NOL8: variants seen among roughly 807,000 people sequenced by gnomAD.
NOL8 encodes nucleolar protein 8.
A neutral mutation model predicts 116.1 loss-of-function variants in NOL8; 93 were observed. The ratio of observed to expected loss-of-function variants is 0.80; its 90% CI spans 0.68 to 0.95. The LOEUF (loss-of-function observed/expected upper bound fraction) is 0.95. Ranked by LOEUF, NOL8 falls within the 40% of genes least tolerant of loss-of-function variation. The probability of loss-of-function intolerance (pLI) is 0.00; values close to 1 mark genes in which losing one functional copy is unlikely to be tolerated. For missense variants in NOL8, 1,291 were observed against 1,382.8 expected, an observed-to-expected ratio of 0.93 and a Z score of 1.05; for synonymous variants, 419 against 469.0, an observed-to-expected ratio of 0.89 and a Z score of 1.38.
Position 92,316,055 on chromosome 9 carries a change from G to A in NOL8, c.570C>T (p.Ser190=). 6.2e-7 allele frequency: 1 copy of A among 1,613,870 alleles called. No individual in the cohort carries two copies. The highest frequency in any genetic ancestry group is 8.5e-7 in the Non-Finnish European group (1 of 1,179,860). Residue 190 remains serine, a synonymous_variant, in exon 7 of 17, where the codon AGC becomes AGT. Transcript: ENST00000442668. ...TCCCTCCTTCTAATTCCCAAGTCAGGCTGGATATAGGAATGGTGTTTGAGA... is the reference window on the plus strand; with the variant it reads ...TCCCTCCTTCTAATTCCCAAGTCAGACTGGATATAGGAATGGTGTTTGAGA... ...EDFSNTIPIS[S]LTWELEGGND... is the part of the protein sequence containing the mutation.
chr9:92,315,822 G>C lies in NOL8; in HGVS notation c.803C>G (p.Ser268Cys), dbSNP rs1266327715. 2 of 1,613,978 alleles carry C rather than the reference G, an allele frequency of 1.2e-6. No homozygotes were observed. The highest frequency in any genetic ancestry group is 3.3e-5 in the Admixed American group (2 of 60,026). ...CTGAGTATCAGAAACAGGTACAGGA[G>C]ATGATTTAGAAGGAGTAATGGAATC... Reference protein sequence around the residue: ...TCDSITPSKSSPVPVSDTQKL... With the variant: ...TCDSITPSKSCPVPVSDTQKL... Residue 268 changes from serine to cysteine, a missense_variant, in exon 7 of 17, where the codon TCT (serine) becomes TGT (cysteine). Transcript: ENST00000442668.
In NOL8 at chr9:92,314,458, A is replaced by C; in HGVS notation, c.2167T>G (p.Ser723Ala). 6.2e-7 allele frequency: 1 copy of C among 1,612,548 alleles called. No homozygotes were observed. The highest frequency in any genetic ancestry group is 8.5e-7 in the Non-Finnish European group (1 of 1,178,732). ...DSSGLTSLKK[S>A]PKVSSKDTRE... ...GTGTCCTTGGATGAGACCTTTGGTG[A>C]TTTCTTGAGAGATGTGAGGCCGCTT... The change falls in exon 7 of 17, where the codon TCA (serine) becomes GCA (alanine). Residue 723 changes from serine (S) to alanine (A), a missense_variant. By Grantham distance (99) the Ser-to-Ala change is moderately conservative (BLOSUM62 1). Transcript: ENST00000442668.
At chr9:92,310,069 G>C (rs571725730) in intron 10 of NOL8, 102 bp downstream of exon 10, 138 of 763,038 alleles carry the variant, frequency 1.8e-4, no homozygotes, top group Non-Finnish European at 3.1e-5. Flanking sequence ...CCAATGTCTT[G>C]GGATGGAGAG....
At chr9:92,320,280 T>G in intron 4 of NOL8, 1 of 435,454 alleles carries the variant, frequency 2.3e-6, no homozygotes, top group South Asian at 1.6e-5. Flanking sequence ...AGACCCATGC[T>G]TCTCAGGCAT....
chr9:92,313,138 C>G (rs1169980820), intron 7 of NOL8, among the ~76,000 whole-genome samples: 37 of 152,076 alleles, frequency 2.4e-4, no homozygotes, highest in Admixed American at 2.4e-3. Flanking sequence ...CAGAAACTTA[C>G]AATTCCTCTT....
chr9:92,304,685 G>T (rs536606990), intron 12 of NOL8, among the ~76,000 whole-genome samples: 1 of 152,242 alleles, frequency 6.6e-6, no homozygotes, highest in South Asian at 2.1e-4. Context: ...TAGGTTTACA[G>T]AAAGTAACGA....
intron 3 of NOL8, 66 bp downstream of exon 3, chr9:92,323,375 C>G: frequency 5.8e-6 from 9 of 1,541,396 alleles, no homozygotes; most frequent in Non-Finnish European, 7.9e-6. Context: ...GATTTAGAAC[C>G]AGTTATTCCA....
At chr9:92,310,809 G>C (rs1013663218) in intron 8 of NOL8, 134 bp from the exon 9 acceptor site, 3 of 948,634 alleles carry the variant, frequency 3.2e-6, no homozygotes, top group African/African-American at 1.7e-5. Context: ...TGGCAGGTCA[G>C]GTGGAAATTC....
At chr9:92,304,882 A>G (rs1296361195) in intron 12 of NOL8, among the ~76,000 whole-genome samples, 2 of 152,174 alleles carry the variant, frequency 1.3e-5, no homozygotes, top group Non-Finnish European at 2.9e-5. Flanking sequence ...GATTCAATTC[A>G]GGATACCACA....
chr9:92,325,021 G>A (rs1405020352), intron 1 of NOL8: 5 of 152,096 alleles, frequency 3.3e-5, no homozygotes, highest in African/African-American at 1.2e-4. Context: ...TTTTCCAGAG[G>A]TACTAGGGCC....
intron 6 of NOL8, among the ~76,000 whole-genome samples, chr9:92,318,168 C>T (rs1839599171): frequency 6.6e-6 from 1 of 151,920 alleles, no homozygotes; most frequent in African/African-American, 2.4e-5. Context: ...AATTTGCTCA[C>T]ACTCTGCTCC....
rs1413640825 is a variant in NOL8, at chr9:92,306,895, T to G, written c.2816A>C (p.Lys939Thr). ...NSTNRGSVAA[K>T]KFKDIIHYDP... Reference sequence around the variant, plus strand: ...GGAACATAAAACATACTTAAATTTCTTAGCAGCTACTGATCCTCTGTTTGT... The same window carrying G: ...GGAACATAAAACATACTTAAATTTCGTAGCAGCTACTGATCCTCTGTTTGT... The change falls in exon 11 of 17, where the codon AAG becomes ACG. Residue 939 changes from lysine (K) to threonine (T), a missense_variant. By Grantham distance (78) the Lys-to-Thr change is moderately conservative. Coordinates refer to ENST00000442668, the MANE Select transcript of NOL8 (RefSeq NM_017948.6). 4 of 1,612,278 alleles carry G rather than the reference T, an allele frequency of 2.5e-6. No homozygotes were observed. In the Admixed American group the frequency reaches 6.7e-5, roughly 27 times the overall value.
At position 92,310,165 on chromosome 9, in the gene NOL8, A is replaced by G; in HGVS notation, c.2686+6T>C. 6.3e-7 allele frequency: 1 copy of G among 1,594,990 alleles called. No individual in the cohort carries two copies. The highest frequency in any genetic ancestry group is 8.6e-7 in the Non-Finnish European group (1 of 1,168,830). ...ACATCAGGACTCTGGACAATGAAGC[A>G]TTTACCTTCCTGTTCCTCTTCACTG... On this transcript the variant is annotated splice_donor_region_variant and intron_variant, in intron 10 of 16. Coordinates refer to ENST00000442668, the MANE Select transcript of NOL8 (RefSeq NM_017948.6).
rs1399063317 is a variant in NOL8, at chr9:92,315,264, C to T, written c.1361G>A (p.Ser454Asn). The T allele has an allele frequency of 5.0e-6, 8 of 1,613,684 alleles. No homozygotes were observed. The Admixed American group carries it at 6.7e-5, about 13-fold the overall frequency. The change falls in exon 7 of 17, where the codon AGT becomes AAT. Residue 454 changes from serine (S) to asparagine (N), a missense_variant. Transcript: ENST00000442668. ...SLNRKSPSHS[S>N]SSEDADSASE... ...TGCAGAATCAGCATCTTCACTGCTA[C>T]TGGAGTGAGAGGGAGATTTACGATT...
chr9:92,316,719 G>A (rs1270493794), intron 6 of NOL8, among the ~76,000 whole-genome samples: 1 of 152,152 alleles, frequency 6.6e-6, no homozygotes, highest in East Asian at 1.9e-4. Flanking sequence ...ACTTTGGGAG[G>A]CCGAGGTGGG....
At chr9:92,319,385 G>A (rs762323265) in intron 4 of NOL8, 29 bp from the exon 5 acceptor site, 2 of 1,510,066 alleles carry the variant, frequency 1.3e-6, no homozygotes, top group Non-Finnish European at 1.8e-6. Flanking sequence ...ACAAATAAAA[G>A]AGTCAAAATA....
At chr9:92,312,985 GA>G (rs923370409) in intron 7 of NOL8, among the ~76,000 whole-genome samples, 22 of 144,110 alleles carry the variant, frequency 1.5e-4, no homozygotes, top group Admixed American at 4.2e-4. Context: ...AATAAAGGAA[GA>G]AAAAAAAAAG....
intron 6 of NOL8, among the ~76,000 whole-genome samples, chr9:92,316,942 G>C (rs1482386862): frequency 6.6e-6 from 1 of 152,140 alleles, no homozygotes; most frequent in Non-Finnish European, 1.5e-5. Flanking sequence ...CAAGTATTAA[G>C]GTGCTTTAAG....
At chr9:92,322,408 G>A (rs941281789) in intron 3 of NOL8, among the ~76,000 whole-genome samples, 1 of 152,124 alleles carries the variant, frequency 6.6e-6, no homozygotes, top group Non-Finnish European at 1.5e-5. Flanking sequence ...TGTCGCCCAG[G>A]CTGGAGTGCA....
Sources: allele counts gnomAD v4.1 joint callset (sites outside exome capture counted in the v4.1 genomes callset), GRCh38; gene constraint gnomAD v4.1.1; transcripts MANE v1.5; gene names NCBI Gene and HGNC (gene_info 2026-07-23, HGNC 2026-07-21).